PCDH11Y: variants seen among roughly 807,000 people sequenced by gnomAD.
PCDH11Y encodes protocadherin-11 Y-linked.
For synonymous variants in PCDH11Y, 9 were observed against 83.6 expected, an observed-to-expected ratio of 0.11 and a Z score of 4.87; for missense variants, 12 against 224.8, an observed-to-expected ratio of 0.05 and a Z score of 6.05.
At chrY:5,655,218 C>T in intron 4 of PCDH11Y, among the ~76,000 whole-genome samples, 1 of 28,199 alleles carries the variant, frequency 3.5e-5, no homozygotes, top group Non-Finnish European at 8.4e-5. Flanking sequence ...GGGTTTGATA[C>T]GCCGTCTCCC....
At chrY:5,347,093 G>C in intron 2 of PCDH11Y, among the ~76,000 whole-genome samples, 1 of 33,391 alleles carries the variant, frequency 3.0e-5, no homozygotes, top group Non-Finnish European at 7.4e-5. Flanking sequence ...ATTAAATAGT[G>C]GTATAGTGAG....
At chrY:5,741,470 CT>C (rs2053617442) in exon 5 of PCDH11Y, 1 of 32,229 alleles carries the variant, frequency 3.1e-5, no homozygotes, top group Non-Finnish European at 7.6e-5. Context: ...TGAAAATCTA[CT>C]TGTTTAGACT....
At chrY:5,254,939 G>GTA (rs2053008456) in intron 2 of PCDH11Y, among the ~76,000 whole-genome samples, 32 of 30,584 alleles carry the variant, frequency 1.0e-3, no homozygotes, top group African/African-American at 3.7e-3. Context: ...TATATATTAG[G>GTA]TATATATATT....
chrY:5,544,158 G>T (rs2124693353), intron 3 of PCDH11Y, among the ~76,000 whole-genome samples: 1 of 32,799 alleles, frequency 3.0e-5, no homozygotes, highest in South Asian at 6.6e-4. Context: ...TTTACATGCA[G>T]GAGGCATTCT....
In PCDH11Y at chrY:5,433,742, C is replaced by T. The variant is rs1602924731; in HGVS notation, c.3130-67315C>T. The stretch of plus-strand genomic sequence containing the variant: ...GCTTAAGTGATCCTCCGCTTTGGTC[C>T]CCCAGATTGCTGGGATTACAGGTGT... On this transcript the variant is annotated intron_variant, in intron 2 of 4. Transcript: ENST00000400457. Among the ~76,000 whole-genome samples, 16 of 31,757 alleles carry T rather than the reference C, an allele frequency of 5.0e-4. No individual in the cohort carries two copies. In the East Asian group the frequency reaches 0.013, roughly 27 times the overall value. The allele number at this position is 31,757 out of a possible 37,273, so 85.2% of individuals were successfully genotyped here.
At chrY:5,307,235 A>G in intron 2 of PCDH11Y, among the ~76,000 whole-genome samples, 2 of 31,189 alleles carry the variant, frequency 6.4e-5, no homozygotes, top group Admixed American at 6.0e-4. Context: ...GCCTACAAAA[A>G]TATGTATTCT....
At chrY:5,695,991 G>A in intron 4 of PCDH11Y, among the ~76,000 whole-genome samples, 1 of 33,070 alleles carries the variant, frequency 3.0e-5, no homozygotes. Context: ...ATACTTTCAG[G>A]TGATTACTTA....
chrY:5,440,019 T>C (rs2053279102), intron 2 of PCDH11Y, among the ~76,000 whole-genome samples: 1 of 33,860 alleles, frequency 3.0e-5, no homozygotes, highest in Admixed American at 2.7e-4. Flanking sequence ...CTCAGAGAAA[T>C]TAATGCCACA....
rs2053393689 is a variant in PCDH11Y at position 5,531,810 on chromosome Y, C to T, written c.3328+30555C>T. On this transcript the variant is annotated intron_variant, in intron 3 of 4. Transcript: ENST00000400457. ...TCACTCAGGCTGGAGTGTAGTGGTA[C>T]GATCATAGTTTACTGTGACCTCAAA... is the stretch of plus-strand genomic sequence containing the variant. Among the ~76,000 whole-genome samples, 42 of 30,747 alleles carry T rather than the reference C, an allele frequency of 1.4e-3. No individual in the cohort carries two copies. The South Asian group carries it at 0.029, about 21-fold the overall frequency. The allele number at this position is 30,747 out of a possible 37,273, so 82.5% of individuals were successfully genotyped here. A position where few individuals can be genotyped will look rare whatever the true frequency, so the allele number is the denominator to read the frequency against.
intron 2 of PCDH11Y, among the ~76,000 whole-genome samples, chrY:5,470,595 AT>A (rs2053313321): frequency 3.2e-5 from 1 of 31,216 alleles, no homozygotes; most frequent in Admixed American, 3.0e-4. Context: ...AGGCGTGGCT[AT>A]TTTTTCATCT....
chrY:5,486,337 T>C, intron 2 of PCDH11Y, among the ~76,000 whole-genome samples: 2 of 32,447 alleles, frequency 6.2e-5, no homozygotes, highest in Non-Finnish European at 1.5e-4. Context: ...TTTAAAGTGA[T>C]AATCCATATC....
At chrY:5,421,034 C>T (rs2053257379) in intron 2 of PCDH11Y, among the ~76,000 whole-genome samples, 2 of 24,050 alleles carry the variant, frequency 8.3e-5, no homozygotes, top group African/African-American at 3.6e-4. Context: ...GGTGAAACCC[C>T]GTCTCTACTA....
At chrY:5,597,379 A>G (rs2053468682) in intron 4 of PCDH11Y, among the ~76,000 whole-genome samples, 1 of 27,974 alleles carries the variant, frequency 3.6e-5, no homozygotes, top group Non-Finnish European at 8.3e-5. Context: ...ATATATACAT[A>G]TATATGTGTG....
intron 4 of PCDH11Y, among the ~76,000 whole-genome samples, chrY:5,708,783 A>AC (rs2053584544): frequency 1.2e-4 from 4 of 32,464 alleles, no homozygotes; most frequent in South Asian, 7.1e-4. Flanking sequence ...GAGCTAATCT[A>AC]CCCCCCCATC....
rs1602892368 is a variant in PCDH11Y, at chrY:5,243,028, C to G, written c.3129+142321C>G. Among the ~76,000 whole-genome samples the G allele has an allele frequency of 4.2e-4, 14 of 33,419 alleles. No individual in the cohort carries two copies. The East Asian group carries it at 0.01, about 25-fold the overall frequency. The allele number at this position is 33,419 out of a possible 37,273, so 89.7% of individuals were successfully genotyped here. On this transcript the variant is annotated intron_variant, in intron 2 of 4. Coordinates refer to the PCDH11Y transcript ENST00000400457. Reference sequence around the variant, plus strand: ...ATGCCACTGCCTTGTTACCAGTTATCTTTGAATGCAATTTCTAATTAAATA... The same window carrying G: ...ATGCCACTGCCTTGTTACCAGTTATGTTTGAATGCAATTTCTAATTAAATA...
intron 4 of PCDH11Y, among the ~76,000 whole-genome samples, chrY:5,597,625 A>G: frequency 3.3e-5 from 1 of 30,284 alleles, no homozygotes; most frequent in African/African-American, 1.3e-4. Context: ...TGTACATACC[A>G]TGGAACACTA....
chrY:5,385,645 C>G, intron 2 of PCDH11Y, among the ~76,000 whole-genome samples: 1 of 33,571 alleles, frequency 3.0e-5, no homozygotes, highest in Non-Finnish European at 7.4e-5. Flanking sequence ...GAAGTGTTCC[C>G]TTTTCACTGC....
chrY:5,147,095 T>C (rs2052857658), intron 2 of PCDH11Y, among the ~76,000 whole-genome samples: 1 of 27,785 alleles, frequency 3.6e-5, no homozygotes, highest in African/African-American at 1.4e-4. Flanking sequence ...TCCCTACTTT[T>C]GAGGTTTTGG....
intron 2 of PCDH11Y, among the ~76,000 whole-genome samples, chrY:5,353,880 AC>A (rs2053162346): frequency 3.1e-5 from 1 of 32,607 alleles, no homozygotes; most frequent in South Asian, 7.0e-4. Context: ...CGCCTGTAAT[AC>A]CAACTATTCA....
Sources: gnomAD v4.1 joint callset for allele counts (sites outside exome capture counted in the v4.1 genomes callset) on GRCh38, gnomAD v4.1.1 for gene constraint, MANE v1.5 for transcripts, NCBI Gene and HGNC (gene_info 2026-07-23, HGNC 2026-07-21) for gene names.